Variants in TRMT11 observed in about 807,000 individuals in gnomAD.
The protein encoded by TRMT11 is tRNA (guanine(10)-N(2))-methyltransferase TRMT11.
A neutral mutation model predicts 62.8 loss-of-function variants in TRMT11; 53 were observed. The observed-to-expected ratio is 0.84, with a 90% confidence interval of 0.68 to 1.06. The LOEUF (loss-of-function observed/expected upper bound fraction) is 1.06. Among genes scored for constraint, TRMT11 ranks in the 50% least tolerant of loss-of-function variants. The pLI, the probability that TRMT11 is intolerant of heterozygous loss-of-function variation, is 0.00. For missense variants in TRMT11, 556 were observed against 553.4 expected (o/e 1.00, Z -0.05); for synonymous variants, 188 against 190.3 (o/e 0.99, Z 0.10).
chr6:126,234,050 C>T, the TRMT11 span, among the ~76,000 whole-genome samples: 1 of 152,038 alleles, frequency 6.6e-6, no homozygotes. Flanking sequence ...CTGAATTTAA[C>T]ATCATCATCT....
intron 4 of TRMT11, 23 bp downstream of exon 4, chr6:125,998,157 A>G (rs897995059): frequency 6.2e-7 from 1 of 1,604,190 alleles, no homozygotes; most frequent in Non-Finnish European, 8.5e-7. Flanking sequence ...ATGTGGTTTT[A>G]TATAGGCATG....
At chr6:126,082,826 A>C (rs1777173218) in intron 17 of TRMT11, among the ~76,000 whole-genome samples, 1 of 152,162 alleles carries the variant, frequency 6.6e-6, no homozygotes, top group Non-Finnish European at 1.5e-5. Flanking sequence ...ACAAAGATTC[A>C]CCCTAATACA....
chr6:126,266,521 CCCTT>C, the TRMT11 span, among the ~76,000 whole-genome samples: 3 of 152,104 alleles, frequency 2.0e-5, no homozygotes, highest in African/African-American at 7.2e-5. Context: ...ATGTAAACCT[CCCTT>C]ATTTAGTTCT....
At chr6:126,055,879 C>G (rs1407968681) in intron 17 of TRMT11, among the ~76,000 whole-genome samples, 2 of 152,108 alleles carry the variant, frequency 1.3e-5, no homozygotes, top group Non-Finnish European at 2.9e-5. Flanking sequence ...CAAAACAGTT[C>G]AAAAGCGTAT....
chr6:126,208,486 T>A (rs180848008), downstream of TRMT11, among the ~76,000 whole-genome samples: 718 of 152,248 alleles, frequency 4.7e-3, 7 homozygotes, highest in African/African-American at 0.015. Flanking sequence ...TAATAAAAAA[T>A]TGAGTGATTT....
chr6:126,254,729 A>G, the TRMT11 span, among the ~76,000 whole-genome samples: 2 of 152,056 alleles, frequency 1.3e-5, no homozygotes, highest in African/African-American at 4.8e-5. Context: ...ATTAAGAACC[A>G]CTGTTTGAAC....
chr6:126,229,340 C>G, the TRMT11 span, among the ~76,000 whole-genome samples: 1 of 152,182 alleles, frequency 6.6e-6, no homozygotes, highest in African/African-American at 2.4e-5. Flanking sequence ...AATGCTGTCT[C>G]CATTGCAGGA....
intron 7 of TRMT11, among the ~76,000 whole-genome samples, chr6:126,003,865 T>G (rs1284691310): frequency 6.6e-6 from 1 of 152,024 alleles, no homozygotes; most frequent in Non-Finnish European, 1.5e-5. Context: ...CTAATTGATT[T>G]TTGCCATGCA....
At chr6:126,219,169 A>G in the TRMT11 span, among the ~76,000 whole-genome samples, 1 of 152,130 alleles carries the variant, frequency 6.6e-6, no homozygotes, top group Non-Finnish European at 1.5e-5. Flanking sequence ...AGGTCCTGTG[A>G]TGGCTCCCCT....
At chr6:126,226,324 A>C in the TRMT11 span, among the ~76,000 whole-genome samples, 1 of 152,128 alleles carries the variant, frequency 6.6e-6, no homozygotes, top group Non-Finnish European at 1.5e-5. Flanking sequence ...TACTTTTTTC[A>C]AAATAAAAAA....
At chr6:126,128,207 A>G (rs993882730) in intron 21 of TRMT11, among the ~76,000 whole-genome samples, 22 of 152,156 alleles carry the variant, frequency 1.4e-4, no homozygotes, top group Admixed American at 5.2e-4. Context: ...GGAGTGAATT[A>G]AGATGAGAAC....
chr6:126,031,483 T>C (rs1774188525), intron 12 of TRMT11, among the ~76,000 whole-genome samples: 1 of 152,150 alleles, frequency 6.6e-6, no homozygotes, highest in South Asian at 2.1e-4. Flanking sequence ...TCTGTAGTGA[T>C]CTGTGAGAGG....
downstream of TRMT11, among the ~76,000 whole-genome samples, chr6:126,042,985 G>A (rs1197447517): frequency 6.6e-6 from 1 of 152,082 alleles, no homozygotes; most frequent in Non-Finnish European, 1.5e-5. Context: ...CCACAAGTTG[G>A]AGTGACTTCT....
chr6:126,218,940 AC>A, the TRMT11 span, among the ~76,000 whole-genome samples: 2 of 152,246 alleles, frequency 1.3e-5, no homozygotes, highest in African/African-American at 4.8e-5. Context: ...CTCTCCAGGC[AC>A]CAGCTGAGTT....
At chr6:126,095,602 T>C (rs1777330905) in intron 17 of TRMT11, among the ~76,000 whole-genome samples, 1 of 152,250 alleles carries the variant, frequency 6.6e-6, no homozygotes, top group South Asian at 2.1e-4. Context: ...CTAGGCTTCA[T>C]ACATTCAAAT....
At chr6:125,994,388 T>C (rs2128747233) in intron 2 of TRMT11, among the ~76,000 whole-genome samples, 1 of 152,220 alleles carries the variant, frequency 6.6e-6, no homozygotes, top group Middle Eastern at 3.4e-3. Flanking sequence ...CCTGATAGTG[T>C]CAATATAGGC....
chr6:126,251,678 T>G, the TRMT11 span, among the ~76,000 whole-genome samples: 1 of 152,170 alleles, frequency 6.6e-6, no homozygotes, highest in Admixed American at 6.5e-5. Context: ...CTTCTATGAG[T>G]TCATCTTTCA....
At chr6:126,180,453 G>A (rs748332512) in intron 1 of TRMT11, among the ~76,000 whole-genome samples, 2 of 152,172 alleles carry the variant, frequency 1.3e-5, no homozygotes, top group African/African-American at 2.4e-5. Context: ...AGGATGTGTA[G>A]TTTATCATGT....
At chr6:126,227,773 C>G in the TRMT11 span, among the ~76,000 whole-genome samples, 1 of 152,208 alleles carries the variant, frequency 6.6e-6, no homozygotes, top group Non-Finnish European at 1.5e-5. Context: ...ACTTCCGTCT[C>G]TCTGTCTCTT....
Sources: allele counts gnomAD v4.1 joint callset (sites outside exome capture counted in the v4.1 genomes callset), GRCh38; gene constraint gnomAD v4.1.1; transcripts MANE v1.5; gene names NCBI Gene and HGNC (gene_info 2026-07-23, HGNC 2026-07-21).